DOCK1: variants seen among roughly 807,000 people sequenced by gnomAD.
The protein encoded by DOCK1 is dedicator of cytokinesis 1.
DOCK1 carries 138 observed loss-of-function variants against 262.7 expected under a neutral mutation model. The observed-to-expected ratio is 0.53, with a 90% CI of 0.46 to 0.61. The LOEUF (loss-of-function observed/expected upper bound fraction) is 0.61, where lower values mean the gene tolerates loss of function less well. Among genes scored for constraint, DOCK1 ranks in the 20% least tolerant of loss-of-function variants. The pLI is 0.00. For synonymous variants in DOCK1, 866 were observed against 867.4 expected (o/e 1.00, Z 0.03); for missense variants, 1,908 against 2,370.7 (o/e 0.80, Z 4.05).
intron 27 of DOCK1, among the ~76,000 whole-genome samples, chr10:127,233,386 A>G (rs117961377): frequency 0.014 from 2,098 of 152,354 alleles, 16 homozygotes; most frequent in Non-Finnish European, 0.02. Context: ...AAACAAATAT[A>G]TAGCTACAAA....
intron 1 of DOCK1, among the ~76,000 whole-genome samples, chr10:126,919,763 G>C (rs1057232131): frequency 6.6e-6 from 1 of 152,194 alleles, no homozygotes; most frequent in African/African-American, 2.4e-5. Context: ...GCAGGTGGTG[G>C]CTCCGTGTCC....
intron 1 of DOCK1, among the ~76,000 whole-genome samples, chr10:126,947,291 T>G: frequency 6.9e-6 from 1 of 145,358 alleles, no homozygotes; most frequent in South Asian, 2.3e-4. Context: ...ATGGTGGTGG[T>G]TGGTAGTATT....
intron 27 of DOCK1, among the ~76,000 whole-genome samples, chr10:127,157,242 G>C (rs923110468): frequency 6.6e-6 from 1 of 152,232 alleles, no homozygotes; most frequent in African/African-American, 2.4e-5. Context: ...TGTTGACCCA[G>C]GGTTGGATGT....
At chr10:127,429,798 C>G (rs1285746534) in intron 47 of DOCK1, among the ~76,000 whole-genome samples, 1 of 152,226 alleles carries the variant, frequency 6.6e-6, no homozygotes, top group African/African-American at 2.4e-5. Flanking sequence ...GCATTGGCCC[C>G]CGTGCCCTCA....
intron 27 of DOCK1, among the ~76,000 whole-genome samples, chr10:127,241,602 C>T (rs1057264727): frequency 1.3e-5 from 2 of 152,064 alleles, no homozygotes; most frequent in Non-Finnish European, 2.9e-5. Flanking sequence ...TGCTTATGTT[C>T]TCTTTGGCTG....
chr10:126,940,238 T>C (rs1402375784), intron 1 of DOCK1, among the ~76,000 whole-genome samples: 3 of 152,234 alleles, frequency 2.0e-5, no homozygotes, highest in Non-Finnish European at 4.4e-5. Context: ...CCTTGCTTTG[T>C]AATTTTGGTT....
chr10:127,138,628 C>A (rs2486970), intron 27 of DOCK1, among the ~76,000 whole-genome samples: 47 of 151,538 alleles, frequency 3.1e-4, no homozygotes, highest in Non-Finnish European at 4.7e-4. Context: ...AACGGTACTC[C>A]GCCATTACTA....
At chr10:127,065,855 G>A (rs896547845) in intron 23 of DOCK1, among the ~76,000 whole-genome samples, 4 of 150,746 alleles carry the variant, frequency 2.7e-5, no homozygotes, top group Non-Finnish European at 4.4e-5. Flanking sequence ...ACTCCATCTC[G>A]AAAAAAAAAT....
chr10:126,974,811 G>C (rs1231679114), intron 2 of DOCK1, among the ~76,000 whole-genome samples: 4 of 152,130 alleles, frequency 2.6e-5, no homozygotes, highest in African/African-American at 9.7e-5. Flanking sequence ...GTGGCACCCA[G>C]TGTGGTCTCT....
At position 126,990,515 on chromosome 10, in the gene DOCK1, C is replaced by A; in HGVS notation, c.385C>A (p.Arg129=). The change falls in exon 6 of 52, where the codon CGA becomes AGA. Residue 129 remains arginine (R), a synonymous_variant. Transcript: ENST00000623213. ...RHMIYDLIEW[R]SQILSGTLPQ... ...CATGATCTATGACCTTATTGAATGG[C>A]GATCACAAATTCTTTCTGGAACTCT... The A allele has an allele frequency of 1.2e-6, 2 of 1,613,294 alleles. No individual in the cohort carries two copies. Among genetic ancestry groups the A allele is most frequent in the East Asian group, 2.2e-5 (1 of 44,860 alleles).
intron 23 of DOCK1, among the ~76,000 whole-genome samples, chr10:127,074,490 G>A (rs931403694): frequency 5.3e-5 from 8 of 152,150 alleles, no homozygotes; most frequent in African/African-American, 1.9e-4. Flanking sequence ...TATTCTCCAT[G>A]AACTGTGAAT....
chr10:127,033,824 C>A (rs1317737798), intron 18 of DOCK1, among the ~76,000 whole-genome samples: 1 of 152,188 alleles, frequency 6.6e-6, no homozygotes, highest in Non-Finnish European at 1.5e-5. Flanking sequence ...GCTTTTGGAT[C>A]TTTCCGTTTC....
At chr10:127,089,173 A>G (rs1404785322) in intron 23 of DOCK1, among the ~76,000 whole-genome samples, 1 of 152,110 alleles carries the variant, frequency 6.6e-6, no homozygotes, top group East Asian at 1.9e-4. Context: ...ACTGCCCTTG[A>G]TGGAGTGCCT....
intron 29 of DOCK1, among the ~76,000 whole-genome samples, chr10:127,332,146 G>T (rs1438592981): frequency 6.6e-6 from 1 of 152,224 alleles, no homozygotes; most frequent in Non-Finnish European, 1.5e-5. Context: ...TTAGGCATCA[G>T]ACTGGTAGAC....
chr10:127,096,530 A>C (rs1478107065), intron 23 of DOCK1, among the ~76,000 whole-genome samples: 3 of 152,150 alleles, frequency 2.0e-5, no homozygotes, highest in Non-Finnish European at 4.4e-5. Context: ...TACATTATTC[A>C]AGAAAAACTT....
chr10:127,196,743 A>C (rs2057196754), intron 27 of DOCK1, among the ~76,000 whole-genome samples: 1 of 142,350 alleles, frequency 7.0e-6, no homozygotes, highest in Non-Finnish European at 1.6e-5. Flanking sequence ...GAGGAGGTGG[A>C]AGGAGCTGCC....
At chr10:127,389,800 G>A (rs895142559) in intron 38 of DOCK1, among the ~76,000 whole-genome samples, 2 of 152,134 alleles carry the variant, frequency 1.3e-5, no homozygotes, top group Non-Finnish European at 2.9e-5. Flanking sequence ...GATCACCTGA[G>A]GTCAGGAGTT....
intron 20 of DOCK1, 133 bp from the exon 21 acceptor site, chr10:127,042,931 A>C: frequency 1.2e-6 from 1 of 851,616 alleles, no homozygotes; most frequent in African/African-American, 1.7e-5. Flanking sequence ...AAGAAAAGGT[A>C]AACTAGCCAC....
chr10:126,946,443 A>AG (rs2035412082), intron 1 of DOCK1, among the ~76,000 whole-genome samples: 1 of 152,164 alleles, frequency 6.6e-6, no homozygotes, highest in Admixed American at 6.5e-5. Flanking sequence ...GCTACTTGGG[A>AG]GGCTGAGGCA....
Sources: gnomAD v4.1 joint callset for allele counts (sites outside exome capture counted in the v4.1 genomes callset) on GRCh38, gnomAD v4.1.1 for gene constraint, MANE v1.5 for transcripts, NCBI Gene and HGNC (gene_info 2026-07-23, HGNC 2026-07-21) for gene names.